CNTNAP2: variants seen among roughly 807,000 people sequenced by gnomAD.
CNTNAP2 encodes contactin associated protein 2.
Under a neutral mutation model 155.2 loss-of-function variants are expected in CNTNAP2, and 98 were observed. The ratio of observed to expected loss-of-function variants is 0.63; its 90% CI spans 0.54 to 0.75. The LOEUF (loss-of-function observed/expected upper bound fraction) is 0.75. Among genes scored for constraint, CNTNAP2 ranks in the 30% least tolerant of loss-of-function variants. The pLI is 0.00. For synonymous variants in CNTNAP2, 651 were observed against 631.2 expected (o/e 1.03, Z -0.47); for missense variants, 1,727 against 1,688.1 (o/e 1.02, Z -0.40).
chr7:146,883,234 A>G (rs973900473), intron 3 of CNTNAP2, among the ~76,000 whole-genome samples: 5 of 152,164 alleles, frequency 3.3e-5, no homozygotes, highest in Admixed American at 1.3e-4. Context: ...GAAATACAGC[A>G]TATTATTCTT....
At chr7:148,325,561 T>C (rs1044155816) in intron 21 of CNTNAP2, among the ~76,000 whole-genome samples, 2 of 152,202 alleles carry the variant, frequency 1.3e-5, no homozygotes, top group Non-Finnish European at 2.9e-5. Context: ...ATTCAGAGAG[T>C]TGCACAGGAG....
At chr7:147,329,160 C>A (rs1246902795) in intron 9 of CNTNAP2, among the ~76,000 whole-genome samples, 4 of 151,784 alleles carry the variant, frequency 2.6e-5, no homozygotes, top group African/African-American at 7.3e-5. Flanking sequence ...ACACACACAC[C>A]CACGCATATA....
At chr7:146,335,334 A>G (rs1284279166) in intron 1 of CNTNAP2, among the ~76,000 whole-genome samples, 1 of 152,220 alleles carries the variant, frequency 6.6e-6, no homozygotes, top group African/African-American at 2.4e-5. Context: ...TAAATTCTTA[A>G]GAGATGTAAT....
intron 1 of CNTNAP2, among the ~76,000 whole-genome samples, chr7:146,344,470 CTT>C (rs566140535): frequency 6.9e-6 from 1 of 144,752 alleles, no homozygotes; most frequent in African/African-American, 2.5e-5. Context: ...ATTGAACTAG[CTT>C]TTTTTTTTTT....
At chr7:147,424,264 T>C (rs529887655) in intron 10 of CNTNAP2, among the ~76,000 whole-genome samples, 15 of 152,272 alleles carry the variant, frequency 9.9e-5, no homozygotes, top group African/African-American at 3.6e-4. Flanking sequence ...GCTTTCACTT[T>C]CTTTTGCCTC....
intron 22 of CNTNAP2, among the ~76,000 whole-genome samples, chr7:148,401,258 C>T (rs1215560290): frequency 2.0e-5 from 3 of 152,142 alleles, no homozygotes; most frequent in East Asian, 3.9e-4. Flanking sequence ...ACCTCGTCCT[C>T]GTAGCAGCGA....
intron 2 of CNTNAP2, among the ~76,000 whole-genome samples, chr7:146,786,673 A>C (rs1175874864): frequency 6.6e-6 from 1 of 152,334 alleles, no homozygotes; most frequent in East Asian, 1.9e-4. Context: ...TTAACATCAA[A>C]ATGTAAACAC....
chr7:147,457,184 G>C (rs1797930719), intron 10 of CNTNAP2, among the ~76,000 whole-genome samples: 1 of 152,076 alleles, frequency 6.6e-6, no homozygotes, highest in African/African-American at 2.4e-5. Flanking sequence ...AAGATGAAAA[G>C]GGCGAGAACA....
intron 1 of CNTNAP2, among the ~76,000 whole-genome samples, chr7:146,494,865 T>C (rs561077810): frequency 1.3e-5 from 2 of 152,358 alleles, no homozygotes; most frequent in Admixed American, 1.3e-4. Flanking sequence ...AGCTAGCTTA[T>C]GAAGGCAATG....
intron 1 of CNTNAP2, among the ~76,000 whole-genome samples, chr7:146,277,194 C>G (rs1468228031): frequency 6.6e-6 from 1 of 152,102 alleles, no homozygotes; most frequent in Non-Finnish European, 1.5e-5. Context: ...AGGATCCTCC[C>G]CTGGAGACTT....
At chr7:146,327,337 T>G (rs888875351) in intron 1 of CNTNAP2, among the ~76,000 whole-genome samples, 2 of 152,212 alleles carry the variant, frequency 1.3e-5, no homozygotes, top group African/African-American at 4.8e-5. Flanking sequence ...GGTTAAACAT[T>G]AAATTTACAA....
intron 1 of CNTNAP2, among the ~76,000 whole-genome samples, chr7:146,549,355 T>C (rs952247421): frequency 2.6e-5 from 4 of 152,062 alleles, no homozygotes; most frequent in African/African-American, 9.7e-5. Flanking sequence ...ATCTTATTTG[T>C]TTATATTGAA....
At chr7:146,986,501 T>C (rs1354882516) in intron 3 of CNTNAP2, among the ~76,000 whole-genome samples, 1 of 152,220 alleles carries the variant, frequency 6.6e-6, no homozygotes, top group Non-Finnish European at 1.5e-5. Context: ...GTGACTCATT[T>C]ACCTCTGGGT....
chr7:146,902,891 AAC>A (rs1277232140), intron 3 of CNTNAP2, among the ~76,000 whole-genome samples: 2 of 152,168 alleles, frequency 1.3e-5, no homozygotes, highest in African/African-American at 4.8e-5. Context: ...AAGGTCATGA[AAC>A]ACATGCCCAG....
intron 15 of CNTNAP2, among the ~76,000 whole-genome samples, chr7:147,990,966 T>G (rs1801701671): frequency 6.6e-6 from 1 of 152,156 alleles, no homozygotes; most frequent in South Asian, 2.1e-4. Flanking sequence ...GTGGCTGGTC[T>G]TCCTGGCACA....
At chr7:146,542,761 T>G (rs1275800440) in intron 1 of CNTNAP2, among the ~76,000 whole-genome samples, 3 of 151,992 alleles carry the variant, frequency 2.0e-5, no homozygotes, top group Non-Finnish European at 1.5e-5. Context: ...TTATGATAAA[T>G]AAGCTGTTGA....
intron 10 of CNTNAP2, among the ~76,000 whole-genome samples, chr7:147,437,421 A>G (rs1307754927): frequency 1.3e-5 from 2 of 152,058 alleles, no homozygotes; most frequent in Non-Finnish European, 2.9e-5. Flanking sequence ...TATTTGTAAC[A>G]TTCCTTTCAG....
At chr7:147,724,610 G>C (rs1796616700) in intron 13 of CNTNAP2, among the ~76,000 whole-genome samples, 1 of 152,030 alleles carries the variant, frequency 6.6e-6, no homozygotes, top group South Asian at 2.1e-4. Context: ...TTCCCTGGAA[G>C]CTACAGTAGG....
chr7:147,924,603 G>C (rs1391435981), intron 14 of CNTNAP2, among the ~76,000 whole-genome samples: 1 of 152,190 alleles, frequency 6.6e-6, no homozygotes, highest in Non-Finnish European at 1.5e-5. Flanking sequence ...GAGGCAATCT[G>C]ATGCTGCAGC....
Sources: gnomAD v4.1 joint callset for allele counts (sites outside exome capture counted in the v4.1 genomes callset) on GRCh38, gnomAD v4.1.1 for gene constraint, MANE v1.5 for transcripts, NCBI Gene and HGNC (gene_info 2026-07-23, HGNC 2026-07-21) for gene names.